The following SDK1 variants were observed in gnomAD, a reference collection of about 807,000 sequenced individuals.
SDK1 encodes sidekick cell adhesion molecule 1.
SDK1 carries 157 observed loss-of-function variants against 245.5 expected under a neutral mutation model. That is an observed-to-expected ratio of 0.64 (90% CI 0.56 to 0.73). The LOEUF is 0.73. Ranked by LOEUF, SDK1 falls within the 30% of genes least tolerant of loss-of-function variation. The probability of loss-of-function intolerance (pLI) is 0.00; values close to 1 mark genes in which losing one functional copy is unlikely to be tolerated. For missense variants in SDK1, 3,583 were observed against 3,002.3 expected, an observed-to-expected ratio of 1.19 and a Z score of -4.52; for synonymous variants, 1,647 against 1,278.5, an observed-to-expected ratio of 1.29 and a Z score of -6.15.
chr7:3,748,508 T>C (rs918860249), intron 4 of SDK1, among the ~76,000 whole-genome samples: 1 of 152,250 alleles, frequency 6.6e-6, no homozygotes, highest in Admixed American at 6.5e-5. Context: ...GAGGTCTCCT[T>C]CACTGTGTAT....
Position 4,244,558 on chromosome 7 carries a change from G to T in SDK1, c.6252-1118G>T, listed in dbSNP as rs183768033. The stretch of plus-strand genomic sequence containing the variant: ...TCACCAGGAAGTGGGGAGCTGAAGA[G>T]GGTACTCATTTTCTATCGCTGCATG... On this transcript the variant is annotated intron_variant, in intron 43 of 44. Transcript: ENST00000404826. Among the ~76,000 whole-genome samples the T allele has an allele frequency of 3.4e-3, 512 of 152,348 alleles. 4 individuals are homozygous for T. Among genetic ancestry groups the T allele is most frequent in the African/African-American group, 0.012 (493 of 41,582 alleles).
chr7:4,138,146 G>C (rs774252574), intron 28 of SDK1, among the ~76,000 whole-genome samples: 154 of 152,286 alleles, frequency 1.0e-3, no homozygotes, highest in Non-Finnish European at 1.9e-3. Flanking sequence ...GAGAGAAGAA[G>C]AACCCAGATT....
At chr7:3,733,023 G>A (rs183270293) in intron 4 of SDK1, among the ~76,000 whole-genome samples, 2 of 152,064 alleles carry the variant, frequency 1.3e-5, no homozygotes, top group Admixed American at 1.3e-4. Flanking sequence ...TTGTCTACAC[G>A]TTGACAAGTG....
intron 7 of SDK1, among the ~76,000 whole-genome samples, chr7:3,954,024 A>G (rs1781040367): frequency 6.6e-6 from 1 of 152,192 alleles, no homozygotes; most frequent in South Asian, 2.1e-4. Context: ...GGCCACCCGT[A>G]GGAGCACACA....
At chr7:3,969,553 C>T (rs879872679) in intron 11 of SDK1, 129 bp downstream of exon 11, 3 of 600,198 alleles carry the variant, frequency 5.0e-6, no homozygotes, top group Non-Finnish European at 7.6e-6. Flanking sequence ...ATTATTTTTA[C>T]AACTAATTTA....
chr7:3,940,019 C>A (rs951094288), intron 5 of SDK1, among the ~76,000 whole-genome samples: 9 of 152,262 alleles, frequency 5.9e-5, no homozygotes, highest in Non-Finnish European at 1.3e-4. Flanking sequence ...AAAGACTCAC[C>A]AGTTCCTGTG....
At chr7:4,250,140 G>A (rs1027348732) in intron 44 of SDK1, among the ~76,000 whole-genome samples, 2 of 152,100 alleles carry the variant, frequency 1.3e-5, no homozygotes, top group Non-Finnish European at 2.9e-5. Flanking sequence ...TAAATAAATC[G>A]TACAGTATGA....
At chr7:3,378,121 G>C (rs907012131) in intron 1 of SDK1, among the ~76,000 whole-genome samples, 1 of 152,118 alleles carries the variant, frequency 6.6e-6, no homozygotes, top group African/African-American at 2.4e-5. Context: ...AGCCACTCTT[G>C]CCTGTATTTG....
At chr7:3,912,090 C>G (rs1231758654) in intron 5 of SDK1, among the ~76,000 whole-genome samples, 1 of 152,150 alleles carries the variant, frequency 6.6e-6, no homozygotes, top group Non-Finnish European at 1.5e-5. Flanking sequence ...GGGAAACAAA[C>G]CAAACTACAG....
chr7:3,564,503 A>G (rs985089397), intron 1 of SDK1, among the ~76,000 whole-genome samples: 2 of 152,162 alleles, frequency 1.3e-5, no homozygotes, highest in African/African-American at 4.8e-5. Flanking sequence ...ATTTATTTTA[A>G]TAAAAAATAC....
intron 25 of SDK1, among the ~76,000 whole-genome samples, chr7:4,123,237 A>G (rs1784181775): frequency 6.6e-6 from 1 of 152,168 alleles, no homozygotes; most frequent in South Asian, 2.1e-4. Flanking sequence ...ACAGGGACAG[A>G]GGTTTTAGAA....
chr7:3,685,198 C>T (rs1387149376), intron 4 of SDK1, among the ~76,000 whole-genome samples: 3 of 127,544 alleles, frequency 2.4e-5, no homozygotes, highest in African/African-American at 9.1e-5. Flanking sequence ...CATAAATAAA[C>T]TTGTGAACAT....
chr7:4,149,209 C>T, intron 29 of SDK1, 53 bp from the exon 30 acceptor site: 2 of 1,412,286 alleles, frequency 1.4e-6, no homozygotes, highest in South Asian at 1.6e-5. Flanking sequence ...GGGGATGTTC[C>T]TTGGGAAGGG....
At chr7:4,242,839 C>T (rs1043902889) in intron 43 of SDK1, among the ~76,000 whole-genome samples, 9 of 152,332 alleles carry the variant, frequency 5.9e-5, no homozygotes, top group Non-Finnish European at 1.0e-4. Flanking sequence ...GGGCCGCCCC[C>T]GCCCTCCACT....
At chr7:4,017,129 C>G in intron 16 of SDK1, 42 bp from the exon 17 acceptor site, 3 of 1,553,048 alleles carry the variant, frequency 1.9e-6, no homozygotes, top group Non-Finnish European at 2.6e-6. Context: ...GTTCCTGGGT[C>G]CAGTTATTTC....
intron 17 of SDK1, among the ~76,000 whole-genome samples, chr7:4,017,965 T>C (rs1786550978): frequency 6.6e-6 from 1 of 152,144 alleles, no homozygotes; most frequent in Non-Finnish European, 1.5e-5. Flanking sequence ...TTCCACAGCA[T>C]CTGGTTCCTC....
chr7:3,870,470 G>C (rs1390582393), intron 5 of SDK1, among the ~76,000 whole-genome samples: 4 of 151,886 alleles, frequency 2.6e-5, no homozygotes, highest in African/African-American at 9.7e-5. Flanking sequence ...TTTTATTCCT[G>C]TCTCCCACTG....
rs1014259029 is a variant in SDK1, at chr7:3,301,724, G to A, written c.138G>A (p.Pro46=). 19 of 977,016 alleles carry A rather than the reference G, an allele frequency of 1.9e-5. No individual in the cohort carries two copies. In the African/African-American group the frequency reaches 2.8e-4, roughly 15 times the overall value. 60.5% of individuals were successfully genotyped at this position (977,016 alleles called of 1,614,324 possible). ...ARPSLAPRPG[P]EPSRPRAAPE... ...CCTCGCTGGCGCCGCGCCCCGGCCC[G>A]GAGCCCTCGCGACCCCGGGCGGCGC... The change falls in exon 1 of 45, where the codon CCG becomes CCA. Residue 46 remains proline, a synonymous_variant. Coordinates refer to ENST00000404826, the MANE Select transcript of SDK1 (RefSeq NM_152744.4).
chr7:3,635,543 T>C (rs1782431731), intron 2 of SDK1, among the ~76,000 whole-genome samples: 1 of 152,242 alleles, frequency 6.6e-6, no homozygotes, highest in South Asian at 2.1e-4. Flanking sequence ...ACTTTGTCTT[T>C]TACTCGATTT....
Sources: gnomAD v4.1 joint callset for allele counts (sites outside exome capture counted in the v4.1 genomes callset) on GRCh38, gnomAD v4.1.1 for gene constraint, MANE v1.5 for transcripts, NCBI Gene and HGNC (gene_info 2026-07-23, HGNC 2026-07-21) for gene names.